CEP76: variants seen among roughly 807,000 people sequenced by gnomAD.
CEP76 encodes centrosomal protein of 76 kDa.
CEP76 carries 55 observed loss-of-function variants against 83.3 expected under a neutral mutation model. The observed-to-expected ratio is 0.66, with a 90% CI of 0.53 to 0.83. The LOEUF is 0.83. Ranked by LOEUF, CEP76 falls within the 40% of genes least tolerant of loss-of-function variation. The pLI is 0.00. For synonymous variants in CEP76, 270 were observed against 274.5 expected, an observed-to-expected ratio of 0.98 and a Z score of 0.16; for missense variants, 694 against 799.5, an observed-to-expected ratio of 0.87 and a Z score of 1.59.
At chr18:12,699,976 A>G in intron 2 of CEP76, 71 bp from the exon 3 acceptor site, 2 of 1,010,278 alleles carry the variant, frequency 2.0e-6, no homozygotes, top group South Asian at 1.7e-5. Context: ...GTCAATAAAC[A>G]TGACTAAGCA....
At position 12,702,503 on chromosome 18, in the gene CEP76, G is replaced by T. The variant is rs1027829846; in HGVS notation, c.46C>A (p.His16Asn). The change falls in exon 1 of 12, where the codon CAC (histidine) becomes AAC (asparagine). Residue 16 changes from histidine (H) to asparagine (N), a missense_variant. Coordinates refer to ENST00000262127, the MANE Select transcript of CEP76 (RefSeq NM_024899.4). Reference protein sequence around the residue: ...EKASELKQLIHQQLSKMDVHG... With the variant: ...EKASELKQLINQQLSKMDVHG... ...ACTCTCACCTTGCTCAGCTGCTGGTGGATGAGCTGCTTCAGCTCGGAGGCT... is the reference window on the plus strand; with the variant it reads ...ACTCTCACCTTGCTCAGCTGCTGGTTGATGAGCTGCTTCAGCTCGGAGGCT... The T allele has an allele frequency of 6.2e-7, 1 of 1,609,736 alleles. No individual in the cohort carries two copies. Among genetic ancestry groups the T allele is most frequent in the Non-Finnish European group, 8.5e-7 (1 of 1,178,498 alleles).
At chr18:12,687,171 T>G (rs2039567848) in intron 7 of CEP76, among the ~76,000 whole-genome samples, 1 of 152,084 alleles carries the variant, frequency 6.6e-6, no homozygotes, top group East Asian at 1.9e-4. Context: ...CCACTTACTA[T>G]TCAAGATTTG....
In CEP76 at chr18:12,691,465, G is replaced by C. The variant is rs545985521; in HGVS notation, c.827C>G (p.Thr276Ser). Residue 276 changes from threonine to serine, a missense_variant, in exon 7 of 12, where the codon ACT (threonine) becomes AGT (serine). Coordinates refer to ENST00000262127, the MANE Select transcript of CEP76 (RefSeq NM_024899.4). ...AAGAAATAATCGCTCTTTCTCTGCA[G>C]TTTTCTGACGTTCCAAAGCAAGCTT... Reference protein sequence around the residue: ...NTQLALERQKTAEKERLFLVY... With the variant: ...NTQLALERQKSAEKERLFLVY... The C allele has an allele frequency of 1.3e-6, 2 of 1,597,108 alleles. No individual in the cohort carries two copies. Among genetic ancestry groups the C allele is most frequent in the South Asian group, 2.3e-5 (2 of 86,738 alleles).
At chr18:12,671,677 CTT>C (rs2038951082), downstream of CEP76, among the ~76,000 whole-genome samples, 1 of 110,308 alleles carries the variant, frequency 9.1e-6, no homozygotes, top group South Asian at 3.1e-4. Flanking sequence ...GAGACAGAGT[CTT>C]GCTCTGTCAC....
chr18:12,677,612 A>G (rs997610055), intron 10 of CEP76, among the ~76,000 whole-genome samples: 2 of 152,116 alleles, frequency 1.3e-5, no homozygotes, highest in Non-Finnish European at 1.5e-5. Context: ...AGTATAACCC[A>G]GTATACATAT....
At chr18:12,682,614 T>A (rs916153506) in intron 8 of CEP76, among the ~76,000 whole-genome samples, 10 of 151,948 alleles carry the variant, frequency 6.6e-5, no homozygotes, top group African/African-American at 2.2e-4. Flanking sequence ...TAATAACCAA[T>A]CTTTTATTTT....
intron 1 of CEP76, 163 bp downstream of exon 1, chr18:12,702,323 T>C: frequency 1.7e-6 from 1 of 574,726 alleles, no homozygotes; most frequent in East Asian, 3.3e-5. Context: ...ACGAGGACGC[T>C]CTCCTGCCTC....
At chr18:12,695,597 G>C (rs1478951951) in intron 5 of CEP76, among the ~76,000 whole-genome samples, 1 of 152,014 alleles carries the variant, frequency 6.6e-6, no homozygotes, top group Non-Finnish European at 1.5e-5. Flanking sequence ...TTTAAGTAGA[G>C]ATGGGGTCTC....
chr18:12,696,502 A>AAAT (rs35130356), intron 5 of CEP76, among the ~76,000 whole-genome samples: 4,880 of 151,320 alleles, frequency 0.032, 274 homozygotes, highest in African/African-American at 0.11. Context: ...ACTCCATCTC[A>AAAT]AATAATAATA....
rs546908175 is a variant in CEP76, at chr18:12,684,282, T to G, written c.1122+1980A>C. On this transcript the variant is annotated intron_variant, in intron 8 of 11. Transcript: ENST00000262127. The stretch of plus-strand genomic sequence containing the variant: ...CCACACCTGGCCCATGCCTGGGTAA[T>G]TTTTATAGTTTTTTAGAGAGAGGGA... The G allele has an allele frequency of 6.0e-5, 9 of 149,992 alleles. No homozygotes were observed. In the South Asian group the frequency reaches 8.5e-4, roughly 14 times the overall value. 9.3% of individuals were successfully genotyped at this position (149,992 alleles called of 1,614,324 possible).
At chr18:12,669,672 T>C (rs2038890394), downstream of CEP76, among the ~76,000 whole-genome samples, 1 of 152,204 alleles carries the variant, frequency 6.6e-6, no homozygotes, top group Non-Finnish European at 1.5e-5. Context: ...ACAACTTTTA[T>C]GACAGCTAAA....
At chr18:12,692,552 T>C (rs1446109253) in intron 6 of CEP76, among the ~76,000 whole-genome samples, 1 of 151,518 alleles carries the variant, frequency 6.6e-6, no homozygotes, top group Non-Finnish European at 1.5e-5. Flanking sequence ...TTACTTCCTG[T>C]TGTTCAGACT....
intron 3 of CEP76, among the ~76,000 whole-genome samples, chr18:12,699,463 T>A (rs550567566): frequency 4.5e-4 from 69 of 152,320 alleles, no homozygotes; most frequent in Non-Finnish European, 8.1e-4. Context: ...AGCCAATATG[T>A]AGTATACTTT....
chr18:12,671,638 CTTTCTTTT>C (rs1750634742), downstream of CEP76, among the ~76,000 whole-genome samples: 2 of 82,930 alleles, frequency 2.4e-5, no homozygotes, highest in African/African-American at 4.0e-5. Flanking sequence ...AGGTTTCACA[CTTTCTTTT>C]TTTTTTTTTT....
At chr18:12,674,442 A>T (rs2542165) in intron 11 of CEP76, 94 bp downstream of exon 11, 20 of 104,466 alleles carry the variant, frequency 1.9e-4, no homozygotes, top group South Asian at 5.3e-4. Flanking sequence ...ACCTTGAGTT[A>T]AAAAAAAAAA....
In CEP76 at chr18:12,702,513, C is replaced by T. The variant is rs2040195268; in HGVS notation, c.36G>A (p.Lys12=). 1 of 1,610,080 alleles carries T rather than the reference C, an allele frequency of 6.2e-7. No homozygotes were observed. Among genetic ancestry groups the T allele is most frequent in the Non-Finnish European group, 8.5e-7 (1 of 1,178,888 alleles). Residue 12 remains lysine (K), a synonymous_variant, in exon 1 of 12, where the codon AAG becomes AAA. Transcript: ENST00000262127. ...SLPPEKASEL[K]QLIHQQLSKM... ...TGCTCAGCTGCTGGTGGATGAGCTG[C>T]TTCAGCTCGGAGGCTTTCTCCGGAG...
At chr18:12,671,043 G>A (rs1375167007), downstream of CEP76, 1 of 151,492 alleles carries the variant, frequency 6.6e-6, no homozygotes, top group Non-Finnish European at 1.5e-5. Flanking sequence ...TGTAGAAGAG[G>A]GATCATAATA....
rs1386989474 is a variant in CEP76, at chr18:12,675,421, T to TA, written c.1624-669dup. Among the ~76,000 whole-genome samples the TA allele has an allele frequency of 2.0e-5, 3 of 151,736 alleles. No individual in the cohort carries two copies. In the East Asian group the frequency reaches 5.8e-4, roughly 29 times the overall value. On this transcript the variant is annotated intron_variant, in intron 10 of 11. Transcript: ENST00000262127. ...AAAAAAAATAAATAAATAAAATAAA[T>TA]AAAAAAGAGTTTAGTAAGAATGAAT...
At chr18:12,689,112 A>C (rs776824496) in intron 7 of CEP76, among the ~76,000 whole-genome samples, 24 of 152,172 alleles carry the variant, frequency 1.6e-4, no homozygotes, top group Non-Finnish European at 2.9e-4. Context: ...TCTGTCTCAC[A>C]ACAACAACAA....
Sources: gnomAD v4.1 joint callset for allele counts (sites outside exome capture counted in the v4.1 genomes callset) on GRCh38, gnomAD v4.1.1 for gene constraint, MANE v1.5 for transcripts, NCBI Gene and HGNC (gene_info 2026-07-23, HGNC 2026-07-21) for gene names.